Variants in SYTL4 observed in about 807,000 individuals in gnomAD.
The protein encoded by SYTL4 is synaptotagmin-like protein 4.
A neutral mutation model predicts 52.7 loss-of-function variants in SYTL4; 16 were observed. That is an observed-to-expected ratio of 0.30 (90% confidence interval 0.21 to 0.46). The LOEUF is 0.46. SYTL4 is among the 20% of genes least tolerant of loss of function. The pLI is 1.00. For missense variants in SYTL4, 423 were observed against 519.9 expected, an observed-to-expected ratio of 0.81 and a Z score of 1.81; for synonymous variants, 160 against 186.6, an observed-to-expected ratio of 0.86 and a Z score of 1.16.
intron 2 of SYTL4, among the ~76,000 whole-genome samples, chrX:100,716,450 CAAAAAAAAAAAA>C (rs200368843): frequency 2.3e-4 from 6 of 25,771 alleles, no homozygotes; most frequent in East Asian, 1.6e-3. Flanking sequence ...AACTCCATCT[CAAAAAAAAAAAA>C]AAAAAAAAAA....
intron 2 of SYTL4, among the ~76,000 whole-genome samples, chrX:100,723,365 G>A (rs1354809832): frequency 8.0e-5 from 9 of 112,399 alleles, no homozygotes; most frequent in East Asian, 2.8e-4. Context: ...CGAGTGATCC[G>A]CCAGCCTTGG....
In SYTL4 at chrX:100,679,401, C is replaced by T. The variant is rs140740598; in HGVS notation, c.1570G>A (p.Glu524Lys). 314 of 1,205,157 alleles carry T rather than the reference C, an allele frequency of 2.6e-4. 1 individual carries two copies. In the Middle Eastern group the frequency reaches 2.8e-3, roughly 11 times the overall value. Residue 524 changes from glutamate (E) to lysine (K), a missense_variant, in exon 18 of 20, where the codon GAA becomes AAA. Glu to Lys is a moderately conservative substitution (Grantham distance 56). Transcript: ENST00000372989. The part of the protein sequence containing the change: ...GGDRKKSKGG[E>K]GGELQVWIKE... ...ATCCACACCTGGAGCTCTCCCCCTT[C>T]CCCACCTTTACCTGTAAGGGATGTC...
intron 17 of SYTL4, among the ~76,000 whole-genome samples, chrX:100,680,283 T>G (rs2083349458): frequency 9.0e-6 from 1 of 111,332 alleles, no homozygotes; most frequent in Admixed American, 9.6e-5. Context: ...CTTCATCCTT[T>G]AAAATGTTGC....
chrX:100,730,851 T>A (rs747153734), intron 2 of SYTL4, among the ~76,000 whole-genome samples: 81 of 108,134 alleles, frequency 7.5e-4, no homozygotes, highest in Non-Finnish European at 1.4e-3. Context: ...CGTCTCTGCA[T>A]TAAACATTGT....
At chrX:100,690,885 A>C (rs770165647) in intron 9 of SYTL4, among the ~76,000 whole-genome samples, 5 of 112,845 alleles carry the variant, frequency 4.4e-5, no homozygotes, top group South Asian at 3.7e-4. Context: ...TGGGCTAAGA[A>C]GAATACTCCA....
rs1462737180 is a variant in SYTL4 at position 100,675,728 on chromosome X, G to A, written c.*300C>T. ...TTTAAAAGCTGTTTTTAAGTTAAGT[G>A]AACCTTATAAAGACATAAGAAAAAA... On this transcript the variant is annotated 3_prime_UTR_variant, in exon 20 of 20. Transcript: ENST00000372989. 13 of 213,379 alleles carry A rather than the reference G, an allele frequency of 6.1e-5. No homozygotes were observed. The highest frequency in any genetic ancestry group is 1.1e-4 in the Non-Finnish European group (13 of 118,933). 17.6% of individuals were successfully genotyped at this position (213,379 alleles called of 1,213,427 possible). A position where few individuals can be genotyped will look rare whatever the true frequency, so the allele number is the denominator to read the frequency against.
At chrX:100,678,649 T>G in intron 18 of SYTL4, 50 bp from the exon 19 acceptor site, 1 of 1,056,380 alleles carries the variant, frequency 9.5e-7, no homozygotes, top group African/African-American at 1.8e-5. Flanking sequence ...CGGACAGTTA[T>G]CTCTCTAAAT....
In SYTL4 at chrX:100,676,170, C is replaced by A. The variant is rs2083274183; in HGVS notation, c.1874G>T (p.Ser625Ile). The A allele has an allele frequency of 8.3e-7, 1 of 1,209,096 alleles. No individual in the cohort carries two copies. Among genetic ancestry groups the A allele is most frequent in the African/African-American group, 1.8e-5 (1 of 56,896 alleles). Residue 625 changes from serine (S) to isoleucine (I), a missense_variant, in exon 20 of 20, where the codon AGT becomes ATT. Ser to Ile is a moderately radical substitution (Grantham distance 142). Transcript: ENST00000372989. The part of the protein sequence containing the change: ...GVRLGVGTGI[S>I]NGEVVDWMDS... ...CATCCAGTCCACCACTTCCCCATTACTGATCCCTGAGGAGAAACACCAGAA... is the reference window on the plus strand; with the variant it reads ...CATCCAGTCCACCACTTCCCCATTAATGATCCCTGAGGAGAAACACCAGAA...
chrX:100,729,165 G>A (rs775716694), intron 2 of SYTL4, among the ~76,000 whole-genome samples: 7 of 111,003 alleles, frequency 6.3e-5, no homozygotes, highest in Non-Finnish European at 1.1e-4. Flanking sequence ...ACTTACACCT[G>A]TAGGGCGACA....
intron 2 of SYTL4, among the ~76,000 whole-genome samples, chrX:100,718,989 G>A (rs1389189581): frequency 4.5e-5 from 5 of 109,987 alleles, no homozygotes; most frequent in Non-Finnish European, 9.5e-5. Context: ...GTAGAGACAG[G>A]GTTTCACCAT....
At chrX:100,709,417 G>C (rs1471631788) in intron 2 of SYTL4, among the ~76,000 whole-genome samples, 2 of 111,971 alleles carry the variant, frequency 1.8e-5, no homozygotes, top group Non-Finnish European at 3.8e-5. Context: ...GCAGAGAATG[G>C]CTCGAACCTG....
intron 17 of SYTL4, among the ~76,000 whole-genome samples, chrX:100,680,103 C>T (rs1167274356): frequency 8.9e-6 from 1 of 111,884 alleles, no homozygotes; most frequent in African/African-American, 3.2e-5. Flanking sequence ...AATCTGGTTT[C>T]TGCTTTCACT....
At position 100,674,995 on chromosome X, in the gene SYTL4, T is replaced by G. The variant is rs934442116; in HGVS notation, c.*1033A>C. The stretch of plus-strand genomic sequence containing the variant: ...TACATTCCCTTAGAGCCCTTAACAG[T>G]CCCCAGCCTGGAGAAACACTGGGCC... On this transcript the variant is annotated 3_prime_UTR_variant, in exon 20 of 20. Coordinates refer to ENST00000372989, the MANE Select transcript of SYTL4 (RefSeq NM_001370165.1). 8.9e-6 allele frequency: 1 copy of G among 111,794 alleles called. No individual in the cohort carries two copies. The highest frequency in any genetic ancestry group is 3.3e-5 in the African/African-American group (1 of 30,727). The allele number at this position is 111,794 out of a possible 1,213,427, so 9.2% of individuals were successfully genotyped here.
At chrX:100,690,755 C>T in intron 9 of SYTL4, 117 bp from the exon 10 acceptor site, 1 of 515,178 alleles carries the variant, frequency 1.9e-6, no homozygotes, top group Non-Finnish European at 3.1e-6. Context: ...TAACCAAATT[C>T]AGAAGGTACA....
At chrX:100,696,185 T>C (rs2083702225) in intron 8 of SYTL4, among the ~76,000 whole-genome samples, 1 of 111,897 alleles carries the variant, frequency 8.9e-6, no homozygotes, top group South Asian at 3.7e-4. Flanking sequence ...ACGTTTTCCC[T>C]TCTCTTGAGT....
At chrX:100,698,258 A>T (rs1364441533) in intron 8 of SYTL4, among the ~76,000 whole-genome samples, 1 of 109,519 alleles carries the variant, frequency 9.1e-6, no homozygotes, top group African/African-American at 3.3e-5. Flanking sequence ...GCCTGCCACC[A>T]CGCCCGGCTA....
At chrX:100,701,027 G>A in intron 7 of SYTL4, 28 bp from the exon 8 acceptor site, 2 of 1,139,812 alleles carry the variant, frequency 1.8e-6, no homozygotes. Context: ...GTATGCCAGG[G>A]TGGTGGTTAT....
At chrX:100,716,545 T>G (rs1602903559) in intron 2 of SYTL4, among the ~76,000 whole-genome samples, 1 of 56,846 alleles carries the variant, frequency 1.8e-5, no homozygotes, top group Non-Finnish European at 2.9e-5. Context: ...TCTGCAAAAC[T>G]TAAAAAAAAA....
At chrX:100,715,945 CAAAAAA>C (rs769194042) in intron 2 of SYTL4, among the ~76,000 whole-genome samples, 7,515 of 53,546 alleles carry the variant, frequency 0.14, 996 homozygotes, top group African/African-American at 0.4. Flanking sequence ...CTCTCTCTCT[CAAAAAA>C]AAAAAAAAAA....
Sources: gnomAD v4.1 joint callset for allele counts (sites outside exome capture counted in the v4.1 genomes callset) on GRCh38, gnomAD v4.1.1 for gene constraint, MANE v1.5 for transcripts, NCBI Gene and HGNC (gene_info 2026-07-23, HGNC 2026-07-21) for gene names.